TXNL1: variants seen among roughly 807,000 people sequenced by gnomAD.
TXNL1 encodes the protein thioredoxin like 1.
Under a neutral mutation model 35.5 loss-of-function variants are expected in TXNL1, and 14 were observed. That is an observed-to-expected ratio of 0.39 (90% CI 0.26 to 0.62). The LOEUF (loss-of-function observed/expected upper bound fraction) is 0.62, where lower values mean the gene tolerates loss of function less well. Ranked by LOEUF, TXNL1 falls within the 20% of genes least tolerant of loss-of-function variation. The probability of loss-of-function intolerance (pLI) is 0.47; values close to 1 mark genes in which losing one functional copy is unlikely to be tolerated. For synonymous variants in TXNL1, 110 were observed against 115.5 expected, an observed-to-expected ratio of 0.95 and a Z score of 0.31; for missense variants, 263 against 349.7, an observed-to-expected ratio of 0.75 and a Z score of 1.98.
chr18:56,616,215 T>G, intron 5 of TXNL1, 30 bp downstream of exon 5: 2 of 1,586,446 alleles, frequency 1.3e-6, no homozygotes, highest in Non-Finnish European at 1.7e-6. Context: ...AAGCAGAAGT[T>G]AGTTTAAAGA....
Position 56,624,428 on chromosome 18 carries a change from G to A in TXNL1, c.229C>T (p.Pro77Ser). Reference sequence around the variant, plus strand: ...TTGTTTCGAAAAAACAAAAATGTAGGTGTTGCTGATATATTGTTGGTGGCA... The same window carrying A: ...TTGTTTCGAAAAAACAAAAATGTAGATGTTGCTGATATATTGTTGGTGGCA... ...TAATNNISAT[P>S]TFLFFRNKVR... The change falls in exon 3 of 8, where the codon CCT becomes TCT. Residue 77 changes from proline to serine, a missense_variant. By Grantham distance (74) the Pro-to-Ser change is moderately conservative. Coordinates refer to ENST00000217515, the MANE Select transcript of TXNL1 (RefSeq NM_004786.3). The A allele has an allele frequency of 6.2e-7, 1 of 1,613,500 alleles. No homozygotes were observed. Among genetic ancestry groups the A allele is most frequent in the Non-Finnish European group, 8.5e-7 (1 of 1,179,618 alleles).
intron 1 of TXNL1, among the ~76,000 whole-genome samples, chr18:56,628,867 A>G (rs974869043): frequency 8.5e-5 from 13 of 152,252 alleles, no homozygotes; most frequent in Admixed American, 6.5e-4. Flanking sequence ...GTTAAAACTC[A>G]AGTTGTGATC....
At chr18:56,622,191 T>C (rs2144314599) in intron 3 of TXNL1, among the ~76,000 whole-genome samples, 1 of 152,166 alleles carries the variant, frequency 6.6e-6, no homozygotes, top group Non-Finnish European at 1.5e-5. Flanking sequence ...CAAGTGTGCC[T>C]AGTGGCTACC....
intron 6 of TXNL1, among the ~76,000 whole-genome samples, chr18:56,613,744 A>G (rs1049237380): frequency 1.3e-5 from 2 of 152,194 alleles, no homozygotes; most frequent in African/African-American, 4.8e-5. Flanking sequence ...CCAGTAGATC[A>G]GGGCTATACT....
intron 1 of TXNL1, among the ~76,000 whole-genome samples, chr18:56,633,493 C>T (rs942181752): frequency 1.3e-5 from 2 of 149,554 alleles, no homozygotes; most frequent in African/African-American, 4.9e-5. Context: ...GTGGTGCGTG[C>T]CTGTAGTTCC....
In TXNL1 at chr18:56,602,053, C is replaced by T. The variant is rs1290376793; in HGVS notation, c.*974G>A. On this transcript the variant is annotated 3_prime_UTR_variant, in exon 8 of 8. Transcript: ENST00000217515. ...GAGACGGAGTTTTGCTCTTGTCGCT[C>T]AGGCTGGGGCGCAATGGCGCAATCT... 6.6e-6 allele frequency: 1 copy of T among 152,006 alleles called. No individual in the cohort carries two copies. Among genetic ancestry groups the T allele is most frequent in the African/African-American group, 2.4e-5 (1 of 41,380 alleles). The allele number at this position is 152,006 out of a possible 1,614,324, so 9.4% of individuals were successfully genotyped here.
chr18:56,619,052 T>C (rs1365641587), intron 3 of TXNL1, among the ~76,000 whole-genome samples: 1 of 150,278 alleles, frequency 6.7e-6, no homozygotes, highest in Admixed American at 6.6e-5. Flanking sequence ...TCTAAAAAAC[T>C]TAAAAAAAAA....
chr18:56,612,029 T>A (rs2024004599), intron 6 of TXNL1, among the ~76,000 whole-genome samples: 1 of 148,238 alleles, frequency 6.7e-6, no homozygotes, highest in South Asian at 2.1e-4. Flanking sequence ...TTTTTTTTTT[T>A]TTTTTTTTTT....
chr18:56,634,652 CA>C (rs2024428629), intron 1 of TXNL1, among the ~76,000 whole-genome samples: 1 of 152,068 alleles, frequency 6.6e-6, no homozygotes, highest in African/African-American at 2.4e-5. Context: ...TGACATATAC[CA>C]AAATTAACTC....
In TXNL1 at chr18:56,602,927, T is replaced by G; in HGVS notation, c.*100A>C. Reference sequence around the variant, plus strand: ...AACAAAAGCAATGATTTATTGGTAATGGCAATGAATGAAACATTGACAGTC... The same window carrying G: ...AACAAAAGCAATGATTTATTGGTAAGGGCAATGAATGAAACATTGACAGTC... On this transcript the variant is annotated 3_prime_UTR_variant, in exon 8 of 8. Transcript: ENST00000217515. 8.2e-7 allele frequency: 1 copy of G among 1,214,524 alleles called. No homozygotes were observed. The highest frequency in any genetic ancestry group is 1.8e-5 in the Admixed American group (1 of 56,624). The allele number at this position is 1,214,524 out of a possible 1,614,324, so 75.2% of individuals were successfully genotyped here. A position where few individuals can be genotyped will look rare whatever the true frequency, so the allele number is the denominator to read the frequency against.
intron 5 of TXNL1, among the ~76,000 whole-genome samples, chr18:56,615,495 C>G (rs1416803817): frequency 6.8e-6 from 1 of 148,140 alleles, no homozygotes; most frequent in South Asian, 2.2e-4. Flanking sequence ...AAGGAAAATT[C>G]TTTATTTTAC....
intron 1 of TXNL1, among the ~76,000 whole-genome samples, chr18:56,636,952 T>C (rs1056729227): frequency 3.9e-5 from 6 of 152,162 alleles, no homozygotes; most frequent in African/African-American, 1.2e-4. Context: ...CATCACAAAA[T>C]TGCTAAAAAT....
At position 56,609,362 on chromosome 18, in the gene TXNL1, G is replaced by T. The variant is rs1325046695; in HGVS notation, c.840+1631C>A. On this transcript the variant is annotated intron_variant, in intron 7 of 7. Coordinates refer to ENST00000217515, the MANE Select transcript of TXNL1 (RefSeq NM_004786.3). Reference sequence around the variant, plus strand: ...AACGTAGTTTGACAGTCAGAAAAGAGAAAATACTAGGCTAGAAGGGATGTG... The same window carrying T: ...AACGTAGTTTGACAGTCAGAAAAGATAAAATACTAGGCTAGAAGGGATGTG... The T allele has an allele frequency of 2.0e-5, 3 of 152,192 alleles. No individual in the cohort carries two copies. In the East Asian group the frequency reaches 5.8e-4, roughly 29 times the overall value. The allele number at this position is 152,192 out of a possible 1,614,324, so 9.4% of individuals were successfully genotyped here. A position where few individuals can be genotyped will look rare whatever the true frequency, so the allele number is the denominator to read the frequency against.
rs1198181751 is a variant in TXNL1, at chr18:56,619,745, T to C, written c.370-1619A>G. On this transcript the variant is annotated intron_variant, in intron 3 of 7. Coordinates refer to ENST00000217515, the MANE Select transcript of TXNL1 (RefSeq NM_004786.3). ...GAGTTGTGTTAACAGCGGTTGGTCA[T>C]GCTTGTCTTATTTCTGACTTTAGTA... Among the ~76,000 whole-genome samples the C allele has an allele frequency of 2.6e-5, 4 of 152,114 alleles. No homozygotes were observed. The East Asian group carries it at 5.8e-4, about 22-fold the overall frequency.
intron 6 of TXNL1, among the ~76,000 whole-genome samples, chr18:56,611,869 G>T (rs1241852074): frequency 1.5e-5 from 2 of 130,470 alleles, no homozygotes; most frequent in South Asian, 2.5e-4. Flanking sequence ...TTTTTTAAGA[G>T]ATGGAGTCTT....
chr18:56,615,851 C>G lies in TXNL1; in HGVS notation c.562+394G>C, dbSNP rs570853878. Among the ~76,000 whole-genome samples, 10 of 152,226 alleles carry G rather than the reference C, an allele frequency of 6.6e-5. No homozygotes were observed. The East Asian group carries it at 1.7e-3, about 26-fold the overall frequency. On this transcript the variant is annotated intron_variant, in intron 5 of 7. Coordinates refer to ENST00000217515, the MANE Select transcript of TXNL1 (RefSeq NM_004786.3). Reference sequence around the variant, plus strand: ...ACATCTTGCTTCGTTCCAAAACAAGCCAGGTGCGGTGCTCATGCCTATAAT... The same window carrying G: ...ACATCTTGCTTCGTTCCAAAACAAGGCAGGTGCGGTGCTCATGCCTATAAT...
At chr18:56,626,303 T>G (rs762051103) in intron 2 of TXNL1, 58 bp downstream of exon 2, 2 of 1,568,224 alleles carry the variant, frequency 1.3e-6, no homozygotes, top group South Asian at 2.4e-5. Flanking sequence ...AATATTAATG[T>G]TGGATTTCAA....
intron 7 of TXNL1, chr18:56,609,588 AAAT>A (rs1288785861): frequency 1.1e-4 from 17 of 152,240 alleles, no homozygotes; most frequent in African/African-American, 3.4e-4. Flanking sequence ...TGATATGAGA[AAAT>A]AATAAGATAA....
chr18:56,616,428 G>T, intron 4 of TXNL1, 114 bp from the exon 5 acceptor site: 1 of 879,302 alleles, frequency 1.1e-6, no homozygotes, highest in Non-Finnish European at 1.7e-6. Flanking sequence ...CTAATTCATC[G>T]AACAAAACCA....
Sources: allele counts gnomAD v4.1 joint callset (sites outside exome capture counted in the v4.1 genomes callset), GRCh38; gene constraint gnomAD v4.1.1; transcripts MANE v1.5; gene names NCBI Gene and HGNC (gene_info 2026-07-23, HGNC 2026-07-21).